NALF1: variants seen among roughly 807,000 people sequenced by gnomAD.
The protein encoded by NALF1 is NALCN channel auxiliary factor 1, also known as family with sequence similarity 155 member A.
In NALF1, 3 loss-of-function variants were observed where a neutral mutation model predicts 48.4. That is an observed-to-expected ratio of 0.06 (90% CI 0.03 to 0.16). The LOEUF (loss-of-function observed/expected upper bound fraction) is 0.16. Among genes scored for constraint, NALF1 ranks in the 10% least tolerant of loss-of-function variants. The probability of loss-of-function intolerance (pLI) is 1.00; values close to 1 mark genes in which losing one functional copy is unlikely to be tolerated. For synonymous variants in NALF1, 262 were observed against 245.7 expected (o/e 1.07, Z -0.62); for missense variants, 526 against 571.5 (o/e 0.92, Z 0.81).
intron 1 of NALF1, among the ~76,000 whole-genome samples, chr13:107,348,195 C>T (rs1882808312): frequency 6.6e-6 from 1 of 152,164 alleles, no homozygotes; most frequent in African/African-American, 2.4e-5. Flanking sequence ...GTTGATTGAG[C>T]AATCAGAGGC....
chr13:107,752,555 C>T (rs1178137286), intron 1 of NALF1, among the ~76,000 whole-genome samples: 3 of 152,148 alleles, frequency 2.0e-5, no homozygotes, highest in Non-Finnish European at 2.9e-5. Context: ...GGAGGAAATG[C>T]TGTCATTTAA....
At chr13:107,548,592 G>C (rs961302871) in intron 1 of NALF1, among the ~76,000 whole-genome samples, 1 of 151,998 alleles carries the variant, frequency 6.6e-6, no homozygotes, top group Admixed American at 6.6e-5. Flanking sequence ...CACAATGTAT[G>C]AGTGTCCTTC....
intron 1 of NALF1, among the ~76,000 whole-genome samples, chr13:107,612,982 G>T (rs1201682106): frequency 1.5e-4 from 23 of 149,628 alleles, no homozygotes; most frequent in Non-Finnish European, 2.7e-4. Context: ...GGGTTTTTTT[G>T]GGTTTTTTTC....
chr13:107,721,372 C>T (rs1195706953), intron 1 of NALF1, among the ~76,000 whole-genome samples: 1 of 152,198 alleles, frequency 6.6e-6, no homozygotes, highest in African/African-American at 2.4e-5. Context: ...TTCCAGAACA[C>T]AACTGTTGCT....
At chr13:107,769,750 C>T (rs1228633897) in intron 1 of NALF1, among the ~76,000 whole-genome samples, 3 of 151,440 alleles carry the variant, frequency 2.0e-5, no homozygotes, top group Non-Finnish European at 2.9e-5. Flanking sequence ...GTTCCATTAA[C>T]CCTTATATAA....
intron 1 of NALF1, among the ~76,000 whole-genome samples, chr13:107,863,906 TGA>T (rs1566510389): frequency 6.6e-6 from 1 of 152,214 alleles, no homozygotes; most frequent in African/African-American, 2.4e-5. Context: ...TTTTAAATAC[TGA>T]GTTATACAAA....
chr13:107,446,961 A>G (rs957260548), intron 1 of NALF1, among the ~76,000 whole-genome samples: 5 of 152,222 alleles, frequency 3.3e-5, no homozygotes, highest in Non-Finnish European at 7.3e-5. Flanking sequence ...TTCTCTCACC[A>G]TTGTATGCTT....
At chr13:107,617,426 GAAC>G (rs1242563664) in intron 1 of NALF1, among the ~76,000 whole-genome samples, 1 of 152,164 alleles carries the variant, frequency 6.6e-6, no homozygotes, top group Non-Finnish European at 1.5e-5. Context: ...CAATAAAGAA[GAAC>G]AACATCCTTC....
chr13:107,177,285 C>T (rs1461936351), intron 2 of NALF1, among the ~76,000 whole-genome samples: 1 of 152,130 alleles, frequency 6.6e-6, no homozygotes, highest in Non-Finnish European at 1.5e-5. Context: ...AATGTCCATA[C>T]TACCCAAAGC....
chr13:107,282,746 CTCGGAAGTGAA>C (rs1263769013), intron 1 of NALF1, among the ~76,000 whole-genome samples: 2 of 152,192 alleles, frequency 1.3e-5, no homozygotes, highest in Non-Finnish European at 2.9e-5. Context: ...AGTGATCGAC[CTCGGAAGTGAA>C]TCCGTTAGCT....
chr13:107,736,480 C>A (rs1479715544), intron 1 of NALF1, among the ~76,000 whole-genome samples: 2 of 152,132 alleles, frequency 1.3e-5, no homozygotes, highest in Admixed American at 1.3e-4. Flanking sequence ...AAGCAGCACA[C>A]GTACTCATTC....
intron 1 of NALF1, among the ~76,000 whole-genome samples, chr13:107,680,239 A>T (rs1421622783): frequency 6.6e-6 from 1 of 152,144 alleles, no homozygotes; most frequent in African/African-American, 2.4e-5. Flanking sequence ...CACAGAGAGG[A>T]ACTGTTCTCT....
intron 1 of NALF1, among the ~76,000 whole-genome samples, chr13:107,595,698 A>T (rs1258283990): frequency 6.6e-6 from 1 of 152,196 alleles, no homozygotes; most frequent in Non-Finnish European, 1.5e-5. Context: ...TGCCTAATAT[A>T]GCTGTCACAT....
chr13:107,208,122 G>A (rs550067065), intron 2 of NALF1, among the ~76,000 whole-genome samples: 3 of 152,094 alleles, frequency 2.0e-5, no homozygotes, highest in South Asian at 4.2e-4. Flanking sequence ...AGAACTTCAG[G>A]GTGAAATAAC....
At chr13:107,483,830 A>C (rs542403221) in intron 1 of NALF1, among the ~76,000 whole-genome samples, 16 of 152,144 alleles carry the variant, frequency 1.1e-4, no homozygotes, top group African/African-American at 3.1e-4. Context: ...TTAAATTTTA[A>C]ATTAATAGCA....
intron 1 of NALF1, among the ~76,000 whole-genome samples, chr13:107,343,847 T>A (rs1225382729): frequency 2.7e-5 from 4 of 150,778 alleles, no homozygotes; most frequent in African/African-American, 9.7e-5. Context: ...AGGAAAGGAA[T>A]AAAAATTAGA....
intron 1 of NALF1, among the ~76,000 whole-genome samples, chr13:107,459,173 G>C (rs1884875712): frequency 6.6e-6 from 1 of 152,054 alleles, no homozygotes; most frequent in Admixed American, 6.5e-5. Context: ...ATAAAGAGCT[G>C]GTATCCAGTT....
intron 1 of NALF1, among the ~76,000 whole-genome samples, chr13:107,780,294 C>T (rs1268921485): frequency 6.6e-6 from 1 of 152,018 alleles, no homozygotes; most frequent in East Asian, 1.9e-4. Flanking sequence ...AAACACTTTA[C>T]CTTTTACTCA....
chr13:107,681,889 T>C (rs962123041), intron 1 of NALF1, among the ~76,000 whole-genome samples: 2 of 152,226 alleles, frequency 1.3e-5, no homozygotes, highest in African/African-American at 4.8e-5. Flanking sequence ...GCCTCGTTAT[T>C]CCTCCTCCTC....
Sources: allele counts gnomAD v4.1 joint callset (sites outside exome capture counted in the v4.1 genomes callset), GRCh38; gene constraint gnomAD v4.1.1; transcripts MANE v1.5; gene names NCBI Gene and HGNC (gene_info 2026-07-23, HGNC 2026-07-21).